Variants in SMURF1 observed in about 807,000 individuals in gnomAD.
The protein encoded by SMURF1 is E3 ubiquitin-protein ligase SMURF1.
SMURF1 carries 44 observed loss-of-function variants against 98.0 expected under a neutral mutation model. That is an observed-to-expected ratio of 0.45 (90% CI 0.35 to 0.58). SMURF1 has a LOEUF of 0.58. SMURF1 is among the 20% of genes least tolerant of loss of function. SMURF1 has a pLI of 0.00. For missense variants in SMURF1, 687 were observed against 938.4 expected (o/e 0.73, Z 3.50); for synonymous variants, 396 against 374.9 (o/e 1.06, Z -0.65).
intron 1 of SMURF1, among the ~76,000 whole-genome samples, chr7:99,129,782 C>A (rs140727256): frequency 6.6e-6 from 1 of 152,230 alleles, no homozygotes; most frequent in Non-Finnish European, 1.5e-5. Flanking sequence ...CATCATTCCA[C>A]CTTGCTGATT....
At chr7:99,036,359 C>A (rs999015288) in intron 15 of SMURF1, 7 of 155,902 alleles carry the variant, frequency 4.5e-5, no homozygotes, top group African/African-American at 1.7e-4. Flanking sequence ...GCACCTGTAG[C>A]CTCAGCTACT....
chr7:99,040,743 A>T (rs1203473913), intron 12 of SMURF1, among the ~76,000 whole-genome samples, 187 bp from the exon 13 acceptor site: 1 of 152,222 alleles, frequency 6.6e-6, no homozygotes, highest in Non-Finnish European at 1.5e-5. Context: ...ATTTGCCTAG[A>T]TTCGCTGGAC....
chr7:99,063,959 C>T (rs1207245548), intron 1 of SMURF1, among the ~76,000 whole-genome samples: 1 of 151,920 alleles, frequency 6.6e-6, no homozygotes, highest in Non-Finnish European at 1.5e-5. Context: ...CCGAGGCGGA[C>T]GGATTACTTG....
chr7:99,035,408 A>AT lies in SMURF1; in HGVS notation c.2011+106dup, dbSNP rs1413220538. The AT allele has an allele frequency of 2.3e-6, 3 of 1,296,130 alleles. No homozygotes were observed. In the African/African-American group the frequency reaches 4.4e-5, roughly 19 times the overall value. 80.3% of individuals were successfully genotyped at this position (1,296,130 alleles called of 1,614,324 possible). A position where few individuals can be genotyped will look rare whatever the true frequency, so the allele number is the denominator to read the frequency against. ...GCTACTGGAGAACATTCCTTATGCC[A>AT]TTTTCTAGCACACATCTCAGAAAAA... On this transcript the variant is annotated intron_variant, in intron 16 of 17. Transcript: ENST00000361368.
intron 12 of SMURF1, 73 bp downstream of exon 12, chr7:99,042,045 G>T: frequency 8.3e-7 from 1 of 1,203,822 alleles, no homozygotes; most frequent in Non-Finnish European, 1.2e-6. Context: ...ACCAAGGACT[G>T]AGAATGAAAC....
chr7:99,094,200 GAAAA>G (rs1796892503), intron 1 of SMURF1, among the ~76,000 whole-genome samples: 1 of 152,138 alleles, frequency 6.6e-6, no homozygotes, highest in South Asian at 2.1e-4. Flanking sequence ...CTGTAAGAAA[GAAAA>G]GTCAACAAGA....
intron 16 of SMURF1, among the ~76,000 whole-genome samples, chr7:99,034,980 T>G (rs1795078815): frequency 6.6e-6 from 1 of 152,250 alleles, no homozygotes; most frequent in East Asian, 1.9e-4. Context: ...AAACCCTAAG[T>G]GTAAAAGATG....
Position 99,110,664 on chromosome 7 carries a change from A to G in SMURF1, c.55+33062T>C, listed in dbSNP as rs1453774682. Among the ~76,000 whole-genome samples the G allele has an allele frequency of 2.0e-5, 3 of 152,250 alleles. No homozygotes were observed. The South Asian group carries it at 6.2e-4, about 31-fold the overall frequency. On this transcript the variant is annotated intron_variant, in intron 1 of 17. Coordinates refer to ENST00000361368, the MANE Select transcript of SMURF1 (RefSeq NM_181349.3). ...AACACCTACGTAGGGAAGTCCAGCC[A>G]TATCTATCATATCTTTTTAAATGCA...
At chr7:99,070,594 G>A (rs1424139028) in intron 1 of SMURF1, among the ~76,000 whole-genome samples, 1 of 151,962 alleles carries the variant, frequency 6.6e-6, no homozygotes, top group Admixed American at 6.5e-5. Context: ...CTGAAACAGT[G>A]CCTGGCACAT....
intron 1 of SMURF1, among the ~76,000 whole-genome samples, chr7:99,066,177 C>G (rs1796189109): frequency 6.6e-6 from 1 of 152,162 alleles, no homozygotes; most frequent in Non-Finnish European, 1.5e-5. Flanking sequence ...CTGACCGTTT[C>G]AAGACTTACA....
intron 1 of SMURF1, among the ~76,000 whole-genome samples, chr7:99,079,964 C>T (rs1255288118): frequency 6.7e-6 from 1 of 150,062 alleles, no homozygotes; most frequent in Non-Finnish European, 1.5e-5. Context: ...GTCAGTCAAA[C>T]CAGAAGCCGG....
rs67705340 is a variant in SMURF1, at chr7:99,119,003, ATTTTTTTTTTTTTTTTTTTTTTTT to A, written c.55+24699_55+24722del. ...AGCCTCCTGAGAAGCTAACATGCCA[ATTTTTTTTTTTTTTTTTTTTTTTT>A]TTTTTTTTTTTTTTTTTAGAGACAG... On this transcript the variant is annotated intron_variant, in intron 1 of 17. Transcript: ENST00000361368. Among the ~76,000 whole-genome samples, 48 of 42,934 alleles carry A rather than the reference ATTTTTTTTTTTTTTTTTTTTTTTT, an allele frequency of 1.1e-3. 1 individual carries two copies. The highest frequency in any genetic ancestry group is 2.0e-3 in the Admixed American group (8 of 4,042). 28.2% of individuals were successfully genotyped at this position (42,934 alleles called of 152,430 possible).
chr7:99,054,831 G>A lies in SMURF1; in HGVS notation c.438C>T (p.Gly146=), dbSNP rs576446844. The change falls in exon 6 of 18, where the codon GGC becomes GGT. Residue 146 remains glycine, a synonymous_variant. Transcript: ENST00000361368. ...GTCCTCTGCAGTCCACCACCGAGCC[G>A]CCGGTTCCTATTCTGTCTCGTGTCT... ...SLQTRDRIGT[G]GSVVDCRGLL... 7.4e-6 allele frequency: 12 copies of A among 1,613,992 alleles called. No homozygotes were observed. The highest frequency in any genetic ancestry group is 2.2e-5 in the East Asian group (1 of 44,870).
chr7:99,106,688 G>T (rs964156960), intron 1 of SMURF1, among the ~76,000 whole-genome samples: 2 of 152,206 alleles, frequency 1.3e-5, no homozygotes, highest in Admixed American at 6.5e-5. Flanking sequence ...GCAGAGGCAG[G>T]ATCGCTTGAG....
intron 1 of SMURF1, among the ~76,000 whole-genome samples, chr7:99,092,741 G>A (rs1260502803): frequency 2.6e-5 from 4 of 152,108 alleles, no homozygotes; most frequent in East Asian, 3.8e-4. Context: ...AGTGCTGTTC[G>A]TTGTGAGTTC....
At chr7:99,054,730 T>C (rs1244171401) in intron 6 of SMURF1, 60 bp downstream of exon 6, 21 of 1,478,990 alleles carry the variant, frequency 1.4e-5, no homozygotes, top group African/African-American at 6.9e-5. Flanking sequence ...CGCTTTCCTA[T>C]AGGCCGAGAG....
chr7:99,059,472 G>A (rs893575245), intron 3 of SMURF1, among the ~76,000 whole-genome samples: 38 of 146,862 alleles, frequency 2.6e-4, no homozygotes, highest in Admixed American at 4.7e-4. Context: ...TAAAATAGTG[G>A]TCTTCAAAGT....
Position 99,049,560 on chromosome 7 carries a change from T to G in SMURF1, c.953+3A>C. The G allele has an allele frequency of 6.2e-7, 1 of 1,612,622 alleles. No homozygotes were observed. ...TCAGCAAAAAATATTTTTAAAGTCT[T>G]ACTTCATGATGTGGTGTAACCTTGG... On this transcript the variant is annotated splice_donor_region_variant and intron_variant, in intron 9 of 17. Coordinates refer to ENST00000361368, the MANE Select transcript of SMURF1 (RefSeq NM_181349.3).
intron 1 of SMURF1, among the ~76,000 whole-genome samples, chr7:99,109,478 G>A (rs1196178941): frequency 6.6e-6 from 1 of 152,166 alleles, no homozygotes; most frequent in African/African-American, 2.4e-5. Context: ...CTGTACAGCA[G>A]TTCTGCAGTG....
Sources: allele counts gnomAD v4.1 joint callset (sites outside exome capture counted in the v4.1 genomes callset), GRCh38; gene constraint gnomAD v4.1.1; transcripts MANE v1.5; gene names NCBI Gene and HGNC (gene_info 2026-07-23, HGNC 2026-07-21).